The following CHN2 variants were observed in gnomAD, a reference collection of about 807,000 sequenced individuals.
CHN2 encodes beta-chimaerin.
In CHN2, 35 loss-of-function variants were observed where a neutral mutation model predicts 56.3. The ratio of observed to expected loss-of-function variants is 0.62; its 90% CI spans 0.47 to 0.82. The LOEUF is 0.82. Among genes scored for constraint, CHN2 ranks in the 40% least tolerant of loss-of-function variants. CHN2 has a pLI of 0.00. For missense variants in CHN2, 491 were observed against 580.5 expected (o/e 0.85, Z 1.58); for synonymous variants, 210 against 212.8 (o/e 0.99, Z 0.12).
intron 1 of CHN2, among the ~76,000 whole-genome samples, chr7:29,214,705 A>C (rs528882535): frequency 6.6e-6 from 1 of 152,244 alleles, no homozygotes; most frequent in East Asian, 1.9e-4. Context: ...ATATTTTTAC[A>C]CTTGAATATA....
chr7:29,196,758 C>T (rs951498670), intron 1 of CHN2, among the ~76,000 whole-genome samples: 2 of 152,194 alleles, frequency 1.3e-5, no homozygotes, highest in African/African-American at 4.8e-5. Context: ...CTAAGTCAGC[C>T]TTCGGAAGAA....
chr7:29,297,119 G>A (rs1162454241), intron 1 of CHN2, among the ~76,000 whole-genome samples: 4 of 151,870 alleles, frequency 2.6e-5, no homozygotes, highest in Non-Finnish European at 5.9e-5. Context: ...TTTATTGGGT[G>A]AAAAGGAAAA....
chr7:29,254,010 T>G (rs910660393), intron 1 of CHN2, among the ~76,000 whole-genome samples: 3 of 152,226 alleles, frequency 2.0e-5, no homozygotes, highest in Non-Finnish European at 2.9e-5. Flanking sequence ...GGTCAAGCGA[T>G]TCTCCTGCCT....
At chr7:29,357,374 A>T (rs1417455807) in intron 2 of CHN2, among the ~76,000 whole-genome samples, 1 of 152,192 alleles carries the variant, frequency 6.6e-6, no homozygotes. Context: ...ACCACCAGTG[A>T]GGAAGAACTC....
In CHN2 at chr7:29,437,612, A is replaced by C. The variant is rs1783336973; in HGVS notation, c.576+36784A>C. Among the ~76,000 whole-genome samples, 2 of 151,326 alleles carry C rather than the reference A, an allele frequency of 1.3e-5. 1 individual carries two copies. Among genetic ancestry groups the C allele is most frequent in the South Asian group, 4.2e-4 (2 of 4,752 alleles). On this transcript the variant is annotated intron_variant, in intron 6 of 12. Transcript: ENST00000222792. The stretch of plus-strand genomic sequence containing the variant: ...GACTCCGTCTCAAAAAAAAAAAAAA[A>C]AGATATCTAAAACCATAATAGGCCA...
At position 29,318,094 on chromosome 7, in the gene CHN2, G is replaced by A. The variant is rs772749684; in HGVS notation, c.50-36531G>A. The stretch of plus-strand genomic sequence containing the variant: ...TAGCCCTGGGTCCATGAGTGTTGCT[G>A]TGTTTACAGAAGACTAGGGGTTAAA... On this transcript the variant is annotated intron_variant, in intron 1 of 12. Coordinates refer to ENST00000222792, the MANE Select transcript of CHN2 (RefSeq NM_004067.4). Among the ~76,000 whole-genome samples the A allele has an allele frequency of 2.6e-4, 39 of 152,338 alleles. 1 individual carries two copies. The highest frequency in any genetic ancestry group is 1.6e-3 in the Admixed American group (25 of 15,308).
chr7:29,400,898 G>A (rs1166479589), intron 6 of CHN2, 70 bp downstream of exon 6: 8 of 1,488,728 alleles, frequency 5.4e-6, no homozygotes, highest in South Asian at 1.3e-5. Flanking sequence ...GTTAACTATA[G>A]GTGCGATTTG....
chr7:29,152,725 G>C (rs1439759921), intron 2 of CHN2, among the ~76,000 whole-genome samples: 1 of 152,212 alleles, frequency 6.6e-6, no homozygotes, highest in Non-Finnish European at 1.5e-5. Flanking sequence ...CTCTGAGACG[G>C]TTGGAAGAGT....
intron 3 of CHN2, among the ~76,000 whole-genome samples, chr7:29,382,988 C>T (rs1800636168): frequency 6.6e-6 from 1 of 152,116 alleles, no homozygotes; most frequent in Non-Finnish European, 1.5e-5. Context: ...TCAGTAAGAA[C>T]ATATTCTGGA....
intron 1 of CHN2, among the ~76,000 whole-genome samples, chr7:29,282,190 A>G (rs1246630628): frequency 1.3e-5 from 2 of 152,198 alleles, no homozygotes; most frequent in Non-Finnish European, 2.9e-5. Context: ...GGAGTTTGGT[A>G]TTAGGTGAAA....
chr7:29,439,421 T>C (rs1417296626), intron 6 of CHN2, among the ~76,000 whole-genome samples: 1 of 152,254 alleles, frequency 6.6e-6, no homozygotes, highest in Non-Finnish European at 1.5e-5. Context: ...CACCTTAGAA[T>C]GGCTTTGCAT....
intron 2 of CHN2, among the ~76,000 whole-genome samples, chr7:29,357,584 G>A (rs959659587): frequency 6.6e-6 from 1 of 152,180 alleles, no homozygotes; most frequent in African/African-American, 2.4e-5. Context: ...TCCCTCCAAT[G>A]TACAATCTAG....
chr7:29,270,967 G>C (rs1041729655), intron 1 of CHN2, among the ~76,000 whole-genome samples: 3 of 151,990 alleles, frequency 2.0e-5, no homozygotes, highest in Non-Finnish European at 4.4e-5. Context: ...TTAATTAATG[G>C]GCTTTTGATG....
intron 6 of CHN2, among the ~76,000 whole-genome samples, chr7:29,416,443 G>C (rs1000833457): frequency 6.6e-6 from 1 of 152,182 alleles, no homozygotes. Context: ...CTTTAAAATG[G>C]GGTGAAAAAG....
rs1009009107 is a variant in CHN2 at position 29,486,818 on chromosome 7, G to A, written c.654+6462G>A. Reference sequence around the variant, plus strand: ...CAAGAAGCTAAGAATATGTCCCCACGCTCCCACTAAAACACCTGTCCAGGA... The same window carrying A: ...CAAGAAGCTAAGAATATGTCCCCACACTCCCACTAAAACACCTGTCCAGGA... On this transcript the variant is annotated intron_variant, in intron 7 of 12. Transcript: ENST00000222792. Among the ~76,000 whole-genome samples, 9 of 152,048 alleles carry A rather than the reference G, an allele frequency of 5.9e-5. 1 individual carries two copies. The South Asian group carries it at 6.2e-4, about 11-fold the overall frequency.
At chr7:29,317,338 A>T (rs16874975) in intron 1 of CHN2, among the ~76,000 whole-genome samples, 1 of 152,168 alleles carries the variant, frequency 6.6e-6, no homozygotes, top group African/African-American at 2.4e-5. Flanking sequence ...GTGGAAAAAA[A>T]ATCAACATAT....
intron 6 of CHN2, among the ~76,000 whole-genome samples, chr7:29,468,629 C>T (rs1785771001): frequency 6.6e-6 from 1 of 152,160 alleles, no homozygotes; most frequent in Non-Finnish European, 1.5e-5. Flanking sequence ...ACTCCCAGCA[C>T]TGGCTGTACA....
chr7:29,263,835 C>T (rs1283569796), intron 1 of CHN2, among the ~76,000 whole-genome samples: 1 of 150,508 alleles, frequency 6.6e-6, no homozygotes, highest in Non-Finnish European at 1.5e-5. Flanking sequence ...GACCGGCCGC[C>T]TCGTCTGAGA....
chr7:29,494,538 C>G (rs1789030751), intron 7 of CHN2, among the ~76,000 whole-genome samples: 1 of 152,104 alleles, frequency 6.6e-6, no homozygotes, highest in African/African-American at 2.4e-5. Context: ...GGGATGAATT[C>G]TCTGCATTCC....
Sources: allele counts gnomAD v4.1 joint callset (sites outside exome capture counted in the v4.1 genomes callset), GRCh38; gene constraint gnomAD v4.1.1; transcripts MANE v1.5; gene names NCBI Gene and HGNC (gene_info 2026-07-23, HGNC 2026-07-21).